The following EBF1 variants were observed in gnomAD, a reference collection of about 807,000 sequenced individuals.
EBF1 encodes transcription factor COE1.
A neutral mutation model predicts 68.4 loss-of-function variants in EBF1; 10 were observed. That is an observed-to-expected ratio of 0.15 (90% CI 0.09 to 0.25). The LOEUF (loss-of-function observed/expected upper bound fraction) is 0.25, where lower values mean the gene tolerates loss of function less well. Among genes scored for constraint, EBF1 ranks in the 10% least tolerant of loss-of-function variants. The pLI, the probability that EBF1 is intolerant of heterozygous loss-of-function variation, is 1.00. For missense variants in EBF1, 509 were observed against 794.4 expected (o/e 0.64, Z 4.32); for synonymous variants, 298 against 299.8 (o/e 0.99, Z 0.06).
chr5:159,095,713 G>C (rs1436164826), intron 3 of EBF1, 38 bp from the exon 4 acceptor site: 3 of 1,608,598 alleles, frequency 1.9e-6, no homozygotes, highest in Non-Finnish European at 2.6e-6. Context: ...AGAATTAAGT[G>C]AGAGGTTACG....
chr5:158,743,986 C>T (rs1561803889), intron 10 of EBF1, among the ~76,000 whole-genome samples: 2 of 152,178 alleles, frequency 1.3e-5, no homozygotes, highest in East Asian at 1.9e-4. Flanking sequence ...GCCTGGCTAA[C>T]ATGGTGAAAC....
chr5:158,888,817 A>G (rs2128104459), intron 6 of EBF1, among the ~76,000 whole-genome samples: 1 of 151,642 alleles, frequency 6.6e-6, no homozygotes, highest in South Asian at 2.1e-4. Context: ...CACCATCTCC[A>G]TCTATTAACC....
intron 6 of EBF1, among the ~76,000 whole-genome samples, chr5:159,052,294 A>T (rs1272425591): frequency 6.6e-6 from 1 of 152,076 alleles, no homozygotes; most frequent in Non-Finnish European, 1.5e-5. Context: ...TCAAAGAGAA[A>T]AACACTACAC....
intron 6 of EBF1, among the ~76,000 whole-genome samples, chr5:158,844,986 G>C (rs887702902): frequency 6.6e-6 from 1 of 152,078 alleles, no homozygotes; most frequent in African/African-American, 2.4e-5. Context: ...AGACCAAAAG[G>C]CACTTCTGGA....
intron 8 of EBF1, among the ~76,000 whole-genome samples, chr5:158,812,142 C>A (rs1406446562): frequency 6.6e-6 from 1 of 152,148 alleles, no homozygotes; most frequent in Non-Finnish European, 1.5e-5. Context: ...ACCTCTGTAG[C>A]CCTATTGTCT....
chr5:159,042,585 C>CGT (rs1469755367), intron 6 of EBF1, among the ~76,000 whole-genome samples: 4 of 67,864 alleles, frequency 5.9e-5, no homozygotes, highest in Non-Finnish European at 1.3e-4. Context: ...AAATTCTTTG[C>CGT]CTGTGTGTGT....
intron 6 of EBF1, among the ~76,000 whole-genome samples, chr5:159,020,152 C>T (rs1054079812): frequency 1.3e-5 from 2 of 152,098 alleles, no homozygotes; most frequent in African/African-American, 4.8e-5. Context: ...CTTACCTCAC[C>T]CCTGCAAACC....
intron 6 of EBF1, among the ~76,000 whole-genome samples, chr5:158,846,140 A>C (rs1446075642): frequency 6.6e-6 from 1 of 152,202 alleles, no homozygotes; most frequent in Non-Finnish European, 1.5e-5. Context: ...TCCTTCCCGC[A>C]GATATTCAGG....
At chr5:158,781,984 G>T (rs959480535) in intron 9 of EBF1, among the ~76,000 whole-genome samples, 1 of 152,138 alleles carries the variant, frequency 6.6e-6, no homozygotes, top group Admixed American at 6.6e-5. Flanking sequence ...AGGCCTGATG[G>T]CCAGTTTCCC....
chr5:158,734,636 C>T lies in EBF1; in HGVS notation c.1037-3479G>A, dbSNP rs147120015. 6.3e-3 allele frequency among the ~76,000 whole-genome samples: 953 copies of T among 151,956 alleles called. 7 individuals carry two copies. Among genetic ancestry groups the T allele is most frequent in the African/African-American group, 0.022 (899 of 41,460 alleles). On this transcript the variant is annotated intron_variant, in intron 10 of 15. Transcript: ENST00000313708. ...CTTCAACAAAGTGACCTCATTGTAC[C>T]CAAGCGCAGGGCTCAGGAGGCACCA...
chr5:158,904,943 AAC>A (rs969101662), intron 6 of EBF1, among the ~76,000 whole-genome samples: 3 of 152,330 alleles, frequency 2.0e-5, no homozygotes, highest in Non-Finnish European at 2.9e-5. Context: ...AGTGTGTTGT[AAC>A]ATCTTCTAGA....
chr5:158,860,879 G>A (rs969935923), intron 6 of EBF1, among the ~76,000 whole-genome samples: 16 of 152,108 alleles, frequency 1.1e-4, no homozygotes, highest in African/African-American at 1.9e-4. Flanking sequence ...AAGGGTGAGC[G>A]TGGGCCTCTA....
In EBF1 at chr5:158,719,416, T is replaced by C. The variant is rs140800942; in HGVS notation, c.1126-5234A>G. ...ATTTGCACATTCATAGAAAGACACA[T>C]TGGGAACCAGGCATATCATGACAAA... On this transcript the variant is annotated intron_variant, in intron 11 of 15. Coordinates refer to ENST00000313708, the MANE Select transcript of EBF1 (RefSeq NM_024007.5). 3.9e-3 allele frequency among the ~76,000 whole-genome samples: 598 copies of C among 152,290 alleles called. 3 individuals carry two copies. Among genetic ancestry groups the C allele is most frequent in the African/African-American group, 0.013 (524 of 41,562 alleles).
chr5:158,865,617 T>C (rs1236821708), intron 6 of EBF1, among the ~76,000 whole-genome samples: 1 of 152,214 alleles, frequency 6.6e-6, no homozygotes, highest in Non-Finnish European at 1.5e-5. Flanking sequence ...AAGTTTAAGA[T>C]ATATTTGTTG....
intron 7 of EBF1, among the ~76,000 whole-genome samples, chr5:158,833,173 G>A (rs922329490): frequency 6.6e-6 from 1 of 151,752 alleles, no homozygotes; most frequent in African/African-American, 2.4e-5. Flanking sequence ...AGGGGTGGTG[G>A]TGCGTGACTG....
chr5:158,995,695 A>G (rs1761263569), intron 6 of EBF1, among the ~76,000 whole-genome samples: 2 of 152,182 alleles, frequency 1.3e-5, no homozygotes, highest in Admixed American at 1.3e-4. Flanking sequence ...GTAAGGATTA[A>G]CTGGATGATT....
intron 10 of EBF1, among the ~76,000 whole-genome samples, chr5:158,770,789 G>A (rs1258106383): frequency 1.3e-5 from 2 of 152,102 alleles, no homozygotes; most frequent in South Asian, 2.1e-4. Flanking sequence ...TTCCTGTAGA[G>A]AAATATCTCT....
Position 158,697,507 on chromosome 5 carries a change from G to A in EBF1, c.*1604C>T, listed in dbSNP as rs1191596713. ...ACATACACAATAAAATAAATTGGGGGTGGAAGGAAGAGGAAGAAGGGAAAA... is the reference window on the plus strand; with the variant it reads ...ACATACACAATAAAATAAATTGGGGATGGAAGGAAGAGGAAGAAGGGAAAA... On this transcript the variant is annotated 3_prime_UTR_variant, in exon 16 of 16. Coordinates refer to ENST00000313708, the MANE Select transcript of EBF1 (RefSeq NM_024007.5). The A allele has an allele frequency of 9.5e-6, 2 of 209,762 alleles. No homozygotes were observed. The highest frequency in any genetic ancestry group is 5.9e-5 in the Admixed American group (1 of 16,954). The allele number at this position is 209,762 out of a possible 1,614,324, so 13.0% of individuals were successfully genotyped here.
Position 158,952,435 on chromosome 5 carries a change from C to T in EBF1, c.555-112325G>A, listed in dbSNP as rs189432847. ...ATCTGAAAAAGGACTTTTTTTTTGTCCTCCTGGTACAGTGATGGACTAAAG... is the reference window on the plus strand; with the variant it reads ...ATCTGAAAAAGGACTTTTTTTTTGTTCTCCTGGTACAGTGATGGACTAAAG... On this transcript the variant is annotated intron_variant, in intron 6 of 15. Coordinates refer to ENST00000313708, the MANE Select transcript of EBF1 (RefSeq NM_024007.5). Among the ~76,000 whole-genome samples the T allele has an allele frequency of 3.9e-5, 6 of 151,936 alleles. No individual in the cohort carries two copies. In the East Asian group the frequency reaches 9.7e-4, roughly 24 times the overall value.
Sources: allele counts gnomAD v4.1 joint callset (sites outside exome capture counted in the v4.1 genomes callset), GRCh38; gene constraint gnomAD v4.1.1; transcripts MANE v1.5; gene names NCBI Gene and HGNC (gene_info 2026-07-23, HGNC 2026-07-21).